ADGRV1: variants seen among roughly 807,000 people sequenced by gnomAD.
ADGRV1 encodes the protein G-protein coupled receptor 98.
ADGRV1 carries 359 observed loss-of-function variants against 596.2 expected under a neutral mutation model. That is an observed-to-expected ratio of 0.60 (90% CI 0.55 to 0.66). The LOEUF is 0.66. Ranked by LOEUF, ADGRV1 falls within the 30% of genes least tolerant of loss-of-function variation. ADGRV1 has a pLI of 0.00. For missense variants in ADGRV1, 7,274 were observed against 7,575.6 expected (o/e 0.96, Z 1.48); for synonymous variants, 2,681 against 2,679.2 (o/e 1.00, Z -0.02).
At chr5:90,894,193 A>G (rs992106687) in intron 83 of ADGRV1, among the ~76,000 whole-genome samples, 1 of 152,186 alleles carries the variant, frequency 6.6e-6, no homozygotes, top group Non-Finnish European at 1.5e-5. Flanking sequence ...ACCCTATGGC[A>G]CATGCTATTC....
intron 87 of ADGRV1, among the ~76,000 whole-genome samples, chr5:91,132,301 A>T (rs1794285666): frequency 6.6e-6 from 1 of 152,182 alleles, no homozygotes; most frequent in Non-Finnish European, 1.5e-5. Flanking sequence ...AGGTCCTTGG[A>T]ATTTTTTTAT....
At chr5:90,951,148 A>G (rs1777031785) in intron 83 of ADGRV1, among the ~76,000 whole-genome samples, 1 of 152,234 alleles carries the variant, frequency 6.6e-6, no homozygotes, top group East Asian at 1.9e-4. Flanking sequence ...GAAACATTTC[A>G]TTGCTCTGTA....
intron 75 of ADGRV1, among the ~76,000 whole-genome samples, chr5:90,819,735 A>T (rs886160745): frequency 1.9e-4 from 29 of 151,794 alleles, no homozygotes; most frequent in Non-Finnish European, 3.8e-4. Flanking sequence ...TTTGAGTGAG[A>T]TTCTTAATCC....
At chr5:90,993,457 G>A (rs575792492) in intron 85 of ADGRV1, among the ~76,000 whole-genome samples, 15 of 151,932 alleles carry the variant, frequency 9.9e-5, no homozygotes, top group Middle Eastern at 6.8e-3. Flanking sequence ...ATGCTGTGCC[G>A]GTTTTCACTT....
intron 83 of ADGRV1, among the ~76,000 whole-genome samples, chr5:90,925,351 C>T (rs983896098): frequency 1.8e-4 from 27 of 151,170 alleles, no homozygotes; most frequent in Admixed American, 1.7e-3. Context: ...CTTCACATCC[C>T]TTGTAAGTTG....
chr5:90,622,796 A>G (rs1048941209), intron 5 of ADGRV1, 95 bp downstream of exon 5: 2 of 486,342 alleles, frequency 4.1e-6, no homozygotes, highest in Non-Finnish European at 6.8e-6. Context: ...GCTGGAGTGC[A>G]GTGGTGCGAT....
At position 91,148,106 on chromosome 5, in the gene ADGRV1, CA is replaced by C. The variant is rs1249528925; in HGVS notation, c.18433-1921del. The stretch of plus-strand genomic sequence containing the variant: ...TCTGGCGGAAGAAATTTCTAAGCAG[CA>C]AAGCATTCAAGAGGTGACAAAGCAT... On this transcript the variant is annotated intron_variant, in intron 87 of 89. Coordinates refer to ENST00000405460, the MANE Select transcript of ADGRV1 (RefSeq NM_032119.4). 3.9e-5 allele frequency among the ~76,000 whole-genome samples: 6 copies of C among 152,220 alleles called. No individual in the cohort carries two copies. The East Asian group carries it at 1.2e-3, about 29-fold the overall frequency.
chr5:90,733,486 G>C (rs564294422), intron 50 of ADGRV1, among the ~76,000 whole-genome samples: 77 of 152,208 alleles, frequency 5.1e-4, no homozygotes, highest in African/African-American at 1.7e-3. Flanking sequence ...TGATTGCGAA[G>C]ACTAGAAGAT....
At chr5:91,140,250 A>G (rs1794984081) in intron 87 of ADGRV1, among the ~76,000 whole-genome samples, 1 of 152,090 alleles carries the variant, frequency 6.6e-6, no homozygotes, top group African/African-American at 2.4e-5. Flanking sequence ...CTCCCTTATT[A>G]TTATTGGAAT....
chr5:90,745,573 A>G lies in ADGRV1; in HGVS notation c.10770-18A>G, dbSNP rs752014849. 3.8e-6 allele frequency: 6 copies of G among 1,558,872 alleles called. No individual in the cohort carries two copies. The highest frequency in any genetic ancestry group is 1.7e-5 in the Admixed American group (1 of 57,968). ...ATTTGTTGTAGTTGACTTATTTTGTATATGCTTCTTATGGTAGTTCAGGTG... is the reference window on the plus strand; with the variant it reads ...ATTTGTTGTAGTTGACTTATTTTGTGTATGCTTCTTATGGTAGTTCAGGTG... On this transcript the variant is annotated intron_variant, in intron 51 of 89. Coordinates refer to ENST00000405460, the MANE Select transcript of ADGRV1 (RefSeq NM_032119.4).
intron 1 of ADGRV1, among the ~76,000 whole-genome samples, chr5:90,581,978 G>A (rs1758120840): frequency 6.6e-6 from 1 of 152,006 alleles, no homozygotes; most frequent in South Asian, 2.1e-4. Context: ...TAATTTCCAT[G>A]TATTGTGTAA....
Position 90,783,910 on chromosome 5 carries a change from G to C in ADGRV1, c.13506G>C (p.Val4502=), listed in dbSNP as rs759072178. The C allele has an allele frequency of 4.3e-6, 7 of 1,612,306 alleles. No homozygotes were observed. In the Admixed American group the frequency reaches 1.2e-4, roughly 27 times the overall value. The change falls in exon 67 of 90, where the codon GTG becomes GTC. Residue 4502 remains valine (V), a synonymous_variant. Transcript: ENST00000405460. ...GAGCGGTCCTTGGGCGCCACCTAGT[G>C]AGCAGAATCATAATAGCTAAGAGTG... The part of the protein sequence containing the change: ...TGGAVLGRHL[V]SRIIIAKSDS...
chr5:91,043,516 TG>T (rs1055176568), intron 85 of ADGRV1, among the ~76,000 whole-genome samples: 1 of 152,100 alleles, frequency 6.6e-6, no homozygotes, highest in African/African-American at 2.4e-5. Flanking sequence ...GACCAATGCT[TG>T]GGTTCAAACT....
intron 86 of ADGRV1, among the ~76,000 whole-genome samples, chr5:91,098,178 A>G (rs1246564831): frequency 6.6e-6 from 1 of 152,248 alleles, no homozygotes; most frequent in East Asian, 1.9e-4. Context: ...ATAACAGCTT[A>G]GGAAATATAA....
intron 87 of ADGRV1, among the ~76,000 whole-genome samples, chr5:91,121,694 A>T (rs1030609274): frequency 6.6e-6 from 1 of 152,012 alleles, no homozygotes; most frequent in African/African-American, 2.4e-5. Flanking sequence ...CTTCCTTTTT[A>T]TAATGGATTT....
intron 82 of ADGRV1, among the ~76,000 whole-genome samples, chr5:90,861,395 C>T (rs1408264464): frequency 6.6e-5 from 10 of 151,838 alleles, no homozygotes; most frequent in South Asian, 2.1e-4. Flanking sequence ...CTGCAACCTC[C>T]GCCTCCAGGA....
In ADGRV1 at chr5:90,590,038, T is replaced by C. The variant is rs144343498; in HGVS notation, c.23-24797T>C. ...TAACATGCTGCATCATGAAACTCATTTAAAATATACCTTGATATTTTATGA... is the reference window on the plus strand; with the variant it reads ...TAACATGCTGCATCATGAAACTCATCTAAAATATACCTTGATATTTTATGA... On this transcript the variant is annotated intron_variant, in intron 1 of 89. Coordinates refer to ENST00000405460, the MANE Select transcript of ADGRV1 (RefSeq NM_032119.4). 2.6e-3 allele frequency among the ~76,000 whole-genome samples: 402 copies of C among 152,262 alleles called. 1 individual carries two copies. Among genetic ancestry groups the C allele is most frequent in the African/African-American group, 8.7e-3 (363 of 41,572 alleles).
chr5:90,569,629 C>T (rs1432584938), intron 1 of ADGRV1, among the ~76,000 whole-genome samples: 1 of 150,600 alleles, frequency 6.6e-6, no homozygotes, highest in Non-Finnish European at 1.5e-5. Context: ...CCCTTTTCAT[C>T]CCCTGTTCCT....
At chr5:90,868,234 A>G (rs534552109) in intron 83 of ADGRV1, among the ~76,000 whole-genome samples, 3 of 152,222 alleles carry the variant, frequency 2.0e-5, no homozygotes, top group South Asian at 2.1e-4. Flanking sequence ...TACTAAATCC[A>G]TATAATCAAG....
Sources: allele counts gnomAD v4.1 joint callset (sites outside exome capture counted in the v4.1 genomes callset), GRCh38; gene constraint gnomAD v4.1.1; transcripts MANE v1.5; gene names NCBI Gene and HGNC (gene_info 2026-07-23, HGNC 2026-07-21).